The following CMC1 variants were observed in gnomAD, a reference collection of about 807,000 sequenced individuals.
CMC1 encodes the protein COX assembly mitochondrial protein homolog.
In CMC1, 14 loss-of-function variants were observed where a neutral mutation model predicts 14.1. That is an observed-to-expected ratio of 0.99 (90% CI 0.66 to 1.55). The LOEUF (loss-of-function observed/expected upper bound fraction) is 1.55. Among genes scored for constraint, CMC1 ranks in the 40% most tolerant of loss-of-function variants. CMC1 has a pLI of 0.00. For synonymous variants in CMC1, 50 were observed against 38.4 expected, an observed-to-expected ratio of 1.30 and a Z score of -1.12; for missense variants, 127 against 123.8, an observed-to-expected ratio of 1.03 and a Z score of -0.12.
chr3:28,258,650 C>T (rs1447462938), intron 1 of CMC1, among the ~76,000 whole-genome samples: 3 of 124,150 alleles, frequency 2.4e-5, no homozygotes, highest in African/African-American at 9.8e-5. Context: ...GATGGAATCT[C>T]GCACTGTCAC....
At chr3:28,275,364 G>A (rs1315606060) in intron 2 of CMC1, among the ~76,000 whole-genome samples, 3 of 122,220 alleles carry the variant, frequency 2.5e-5, no homozygotes, top group East Asian at 2.3e-4. Context: ...TTTTACAGCC[G>A]TCTTCTGTAG....
intron 2 of CMC1, among the ~76,000 whole-genome samples, chr3:28,280,155 T>C (rs1398883450): frequency 6.6e-6 from 1 of 152,196 alleles, no homozygotes; most frequent in African/African-American, 2.4e-5. Flanking sequence ...AAAAAGTGTA[T>C]ACTCTTTTAA....
At chr3:28,309,782 G>A (rs796164922) in intron 2 of CMC1, among the ~76,000 whole-genome samples, 4 of 150,052 alleles carry the variant, frequency 2.7e-5, no homozygotes, top group African/African-American at 9.8e-5. Flanking sequence ...CCTACTGGTC[G>A]TATTTGGTAC....
chr3:28,305,825 CGTT>C (rs1702280263), intron 2 of CMC1, among the ~76,000 whole-genome samples: 1 of 64,892 alleles, frequency 1.5e-5, no homozygotes, highest in Admixed American at 2.3e-4. Context: ...TGAGGTCTTA[CGTT>C]TAAGTCTTTC....
intron 2 of CMC1, among the ~76,000 whole-genome samples, chr3:28,276,103 G>GCAGTCCCAACCGCCTAGC (rs1271176081): frequency 6.6e-6 from 1 of 152,058 alleles, no homozygotes; most frequent in African/African-American, 2.4e-5. Flanking sequence ...GTAGTCTTAG[G>GCAGTCCCAACCGCCTAGC]CAGTCCCAAC....
chr3:28,245,311 C>G (rs74533039), intron 1 of CMC1, among the ~76,000 whole-genome samples: 24,280 of 152,128 alleles, frequency 0.16, 2,541 homozygotes, highest in East Asian at 0.47. Context: ...GCAGTAATAA[C>G]AGCAATCTTT....
chr3:28,324,037 C>A lies in CMC1; in HGVS notation c.*4408C>A, dbSNP rs1169747495. 2.5e-6 allele frequency: 4 copies of A among 1,596,812 alleles called. No individual in the cohort carries two copies. The highest frequency in any genetic ancestry group is 3.4e-6 in the Non-Finnish European group (4 of 1,168,256). On this transcript the variant is annotated 3_prime_UTR_variant, in exon 4 of 4. Coordinates refer to ENST00000466830, the MANE Select transcript of CMC1 (RefSeq NM_182523.2). ...CTCATGGTGAAATCGTGAATCTCTT[C>A]CAAATTAATTCTTATAAAGGCAGTT...
chr3:28,246,409 T>C (rs890868432), intron 1 of CMC1, among the ~76,000 whole-genome samples: 2 of 152,150 alleles, frequency 1.3e-5, no homozygotes. Context: ...ATTTCAGTTT[T>C]GAAGCATGAA....
chr3:28,274,212 G>GTTTTTTTTTTTTTTTTTTTTTTTTTT (rs376321066), intron 2 of CMC1, among the ~76,000 whole-genome samples: 5 of 88,200 alleles, frequency 5.7e-5, no homozygotes, highest in Non-Finnish European at 8.6e-5. Flanking sequence ...AAGTGTTTTT[G>GTTTTTTTTTTTTTTTTTTTTTTTTTT]TTTTTTTCTT....
intron 1 of CMC1, among the ~76,000 whole-genome samples, chr3:28,242,576 G>T (rs28674066): frequency 0.017 from 2,531 of 152,314 alleles, 74 homozygotes; most frequent in African/African-American, 0.056. Context: ...CCTTCAAGGA[G>T]CATGGAAAAT....
chr3:28,308,755 T>A (rs757877256), intron 2 of CMC1, among the ~76,000 whole-genome samples: 1 of 151,978 alleles, frequency 6.6e-6, no homozygotes, highest in Admixed American at 6.6e-5. Flanking sequence ...GAGGCCGAGG[T>A]GGGCGGATCA....
At chr3:28,275,196 T>G (rs1246222469) in intron 2 of CMC1, among the ~76,000 whole-genome samples, 1 of 152,152 alleles carries the variant, frequency 6.6e-6, no homozygotes, top group Admixed American at 6.6e-5. Context: ...GTTTTCTGTG[T>G]TTTTTAGTTG....
intron 1 of CMC1, among the ~76,000 whole-genome samples, chr3:28,257,786 G>A (rs576965007): frequency 6.6e-6 from 1 of 152,078 alleles, no homozygotes. Flanking sequence ...TAAAGTGTTG[G>A]GACTACAGGC....
At chr3:28,276,382 CAA>C (rs758604011) in intron 2 of CMC1, among the ~76,000 whole-genome samples, 67 of 152,200 alleles carry the variant, frequency 4.4e-4, no homozygotes, top group Non-Finnish European at 9.1e-4. Flanking sequence ...CATTTGAACA[CAA>C]ATGTGAAGAA....
chr3:28,294,467 T>G (rs938979720), intron 2 of CMC1: 1 of 977,656 alleles, frequency 1.0e-6, no homozygotes, highest in African/African-American at 1.8e-5. Flanking sequence ...TTGCAGATGT[T>G]AGATGGATTT....
intron 2 of CMC1, among the ~76,000 whole-genome samples, chr3:28,290,360 T>G (rs2125546010): frequency 6.6e-6 from 1 of 152,260 alleles, no homozygotes; most frequent in South Asian, 2.1e-4. Flanking sequence ...CCTAATAGAT[T>G]TGTGACATGT....
intron 1 of CMC1, among the ~76,000 whole-genome samples, chr3:28,249,292 A>G (rs1437078392): frequency 2.0e-5 from 3 of 152,240 alleles, no homozygotes; most frequent in African/African-American, 7.2e-5. Context: ...TGCTTGACTG[A>G]TTCATTATTG....
chr3:28,311,291 T>C (rs1242644944), intron 2 of CMC1, among the ~76,000 whole-genome samples: 1 of 152,204 alleles, frequency 6.6e-6, no homozygotes, highest in East Asian at 1.9e-4. Context: ...TAAGTTATAT[T>C]TGGCTTTGTC....
chr3:28,311,120 T>A (rs1702618886), intron 2 of CMC1, among the ~76,000 whole-genome samples: 1 of 152,216 alleles, frequency 6.6e-6, no homozygotes, highest in Non-Finnish European at 1.5e-5. Context: ...TTTTTCCATT[T>A]GAACTAATGG....
Sources: allele counts gnomAD v4.1 joint callset (sites outside exome capture counted in the v4.1 genomes callset), GRCh38; gene constraint gnomAD v4.1.1; transcripts MANE v1.5; gene names NCBI Gene and HGNC (gene_info 2026-07-23, HGNC 2026-07-21).